Variants in TRAPPC8 observed in about 807,000 individuals in gnomAD.
TRAPPC8 encodes the protein general sporulation gene 1 homolog.
A neutral mutation model predicts 174.3 loss-of-function variants in TRAPPC8; 54 were observed. That is an observed-to-expected ratio of 0.31 (90% confidence interval 0.25 to 0.39). The LOEUF (loss-of-function observed/expected upper bound fraction) is 0.39. Ranked by LOEUF, TRAPPC8 falls within the 10% of genes least tolerant of loss-of-function variation. TRAPPC8 has a pLI of 1.00. For missense variants in TRAPPC8, 1,531 were observed against 1,699.1 expected (o/e 0.90, Z 1.74); for synonymous variants, 630 against 579.9 (o/e 1.09, Z -1.24).
intron 24 of TRAPPC8, among the ~76,000 whole-genome samples, chr18:31,851,210 A>G (rs1048406603): frequency 6.6e-6 from 1 of 152,198 alleles, no homozygotes; most frequent in African/African-American, 2.4e-5. Flanking sequence ...GCATTTTTCA[A>G]AGCAGGTCAC....
chr18:31,924,915 T>C (rs540568595), intron 2 of TRAPPC8, among the ~76,000 whole-genome samples: 1 of 151,788 alleles, frequency 6.6e-6, no homozygotes, highest in Non-Finnish European at 1.5e-5. Flanking sequence ...AAATCATAAC[T>C]ATGTTCCTAT....
At chr18:31,853,719 A>G in intron 22 of TRAPPC8, 130 bp downstream of exon 22, 1 of 639,642 alleles carries the variant, frequency 1.6e-6, no homozygotes, top group East Asian at 2.9e-5. Context: ...ACAGTTAGGT[A>G]AACTAATGAA....
At chr18:31,905,676 A>T (rs7230326) in intron 9 of TRAPPC8, among the ~76,000 whole-genome samples, 99,819 of 152,084 alleles carry the variant, frequency 0.66, 33,493 homozygotes, top group South Asian at 0.77. Context: ...AAGAAGACTA[A>T]CCCAGTCTAA....
intron 6 of TRAPPC8, 38 bp from the exon 7 acceptor site, chr18:31,909,048 G>A: frequency 1.9e-6 from 3 of 1,557,060 alleles, no homozygotes; most frequent in East Asian, 2.3e-5. Flanking sequence ...CTCTCAGAAT[G>A]CAACAGAAAA....
intron 9 of TRAPPC8, among the ~76,000 whole-genome samples, chr18:31,905,919 A>C (rs904979481): frequency 3.3e-5 from 5 of 152,190 alleles, no homozygotes; most frequent in Non-Finnish European, 7.4e-5. Context: ...CCTAGGTTAT[A>C]AGGTATTAAT....
Position 31,871,110 on chromosome 18 carries a change from T to C in TRAPPC8, c.2073A>G (p.Gln691=), listed in dbSNP as rs748261608. Residue 691 remains glutamine, a synonymous_variant, in exon 15 of 29, where the codon CAA becomes CAG. Coordinates refer to ENST00000283351, the MANE Select transcript of TRAPPC8 (RefSeq NM_014939.5). The part of the protein sequence containing the change: ...HDRRPADGEK[Q]AATHVSLDQE... ...GATCAAGACTTACATGAGTAGCTGCTTGTTTTTCACCTAAAAAAAATTTGT... is the reference window on the plus strand; with the variant it reads ...GATCAAGACTTACATGAGTAGCTGCCTGTTTTTCACCTAAAAAAAATTTGT... The C allele has an allele frequency of 1.3e-6, 2 of 1,540,550 alleles. No homozygotes were observed. The highest frequency in any genetic ancestry group is 2.5e-5 in the South Asian group (2 of 80,212).
intron 27 of TRAPPC8, among the ~76,000 whole-genome samples, chr18:31,833,581 A>C (rs1387372742): frequency 1.3e-5 from 2 of 152,204 alleles, no homozygotes; most frequent in African/African-American, 4.8e-5. Flanking sequence ...ACCACAATGC[A>C]ATCTATTCTT....
At chr18:31,926,249 A>AC (rs1300976491) in intron 2 of TRAPPC8, among the ~76,000 whole-genome samples, 3 of 152,182 alleles carry the variant, frequency 2.0e-5, no homozygotes, top group African/African-American at 7.2e-5. Context: ...AGAGCCACAG[A>AC]CCACTGTAAT....
intron 19 of TRAPPC8, among the ~76,000 whole-genome samples, chr18:31,863,450 T>C (rs1022885238): frequency 2.6e-5 from 4 of 152,150 alleles, no homozygotes; most frequent in Non-Finnish European, 5.9e-5. Context: ...AAACTAGAAG[T>C]AAACCCATTA....
intron 25 of TRAPPC8, among the ~76,000 whole-genome samples, chr18:31,848,357 T>C (rs528826198): frequency 6.6e-6 from 1 of 152,312 alleles, no homozygotes; most frequent in East Asian, 1.9e-4. Flanking sequence ...GAGTACAGAA[T>C]ACATTACACA....
At chr18:31,874,112 T>C (rs1004586574) in intron 13 of TRAPPC8, 16 of 272,536 alleles carry the variant, frequency 5.9e-5, no homozygotes, top group Admixed American at 2.0e-4. Flanking sequence ...GAAAAGAACA[T>C]AGAATGTCCA....
rs111681001 is a variant in TRAPPC8 at position 31,897,620 on chromosome 18, T to G, written c.1596+166A>C. 1.4e-3 allele frequency among the ~76,000 whole-genome samples: 212 copies of G among 152,230 alleles called. 1 individual carries two copies. The highest frequency in any genetic ancestry group is 4.9e-3 in the African/African-American group (203 of 41,552). On this transcript the variant is annotated intron_variant, in intron 11 of 28. Coordinates refer to ENST00000283351, the MANE Select transcript of TRAPPC8 (RefSeq NM_014939.5). The stretch of plus-strand genomic sequence containing the variant: ...AAACTTAATTTATAAAAAATTACAT[T>G]TAAAATTAACTCAACAAAAAACTAA...
intron 2 of TRAPPC8, among the ~76,000 whole-genome samples, chr18:31,918,756 T>C (rs926400747): frequency 2.6e-5 from 4 of 152,238 alleles, no homozygotes; most frequent in Non-Finnish European, 2.9e-5. Context: ...TATAAATGTA[T>C]ATAATGTGAT....
rs1342076297 is a variant in TRAPPC8, at chr18:31,829,732, C to T, written c.*1023G>A. The T allele has an allele frequency of 6.6e-6, 1 of 152,324 alleles. No individual in the cohort carries two copies. The highest frequency in any genetic ancestry group is 1.5e-5 in the Non-Finnish European group (1 of 68,138). The allele number at this position is 152,324 out of a possible 1,614,324, so 9.4% of individuals were successfully genotyped here. A position where few individuals can be genotyped will look rare whatever the true frequency, so the allele number is the denominator to read the frequency against. ...CCCCATCTGCTCCAGACTTGACTGA[C>T]CCTGGCTCTTGTACTCCCTGCCACC... On this transcript the variant is annotated 3_prime_UTR_variant, in exon 29 of 29. Transcript: ENST00000283351.
chr18:31,888,807 T>C (rs2035834307), intron 12 of TRAPPC8, among the ~76,000 whole-genome samples: 1 of 152,182 alleles, frequency 6.6e-6, no homozygotes, highest in South Asian at 2.1e-4. Context: ...AGTTAATGAA[T>C]GCTGGGCTTA....
In TRAPPC8 at chr18:31,942,443, C is replaced by T. The variant is rs989127675; in HGVS notation, c.157+165G>A. ...TGCGCTGTCTTGACAACCTCACGGT[C>T]CCTCCTCCAGCCGCCCCCGGAGCAC... On this transcript the variant is annotated intron_variant, in intron 1 of 28. Coordinates refer to ENST00000283351, the MANE Select transcript of TRAPPC8 (RefSeq NM_014939.5). The T allele has an allele frequency of 2.8e-5, 24 of 866,548 alleles. No individual in the cohort carries two copies. In the African/African-American group the frequency reaches 3.9e-4, roughly 14 times the overall value. 53.7% of individuals were successfully genotyped at this position (866,548 alleles called of 1,614,324 possible).
At chr18:31,924,342 T>A (rs1452908383) in intron 2 of TRAPPC8, among the ~76,000 whole-genome samples, 1 of 148,406 alleles carries the variant, frequency 6.7e-6, no homozygotes, top group Non-Finnish European at 1.5e-5. Flanking sequence ...TAATCCTAGC[T>A]ACTTGGGAGG....
At chr18:31,835,876 C>T (rs1251603511) in intron 27 of TRAPPC8, among the ~76,000 whole-genome samples, 1 of 152,190 alleles carries the variant, frequency 6.6e-6, no homozygotes, top group Non-Finnish European at 1.5e-5. Flanking sequence ...CGGAGACATG[C>T]CACCAGAACA....
chr18:31,941,156 TTC>T (rs1369313814), intron 1 of TRAPPC8, among the ~76,000 whole-genome samples: 9 of 152,208 alleles, frequency 5.9e-5, no homozygotes, highest in African/African-American at 2.2e-4. Flanking sequence ...TTTTTAGGAA[TTC>T]AAGGCCGGGC....
Sources: gnomAD v4.1 joint callset for allele counts (sites outside exome capture counted in the v4.1 genomes callset) on GRCh38, gnomAD v4.1.1 for gene constraint, MANE v1.5 for transcripts, NCBI Gene and HGNC (gene_info 2026-07-23, HGNC 2026-07-21) for gene names.